The following GLI3 variants were observed in gnomAD, a reference collection of about 807,000 sequenced individuals.
GLI3 encodes transcription activator GLI3.
A neutral mutation model predicts 100.8 loss-of-function variants in GLI3; 20 were observed. The ratio of observed to expected loss-of-function variants is 0.20; its 90% CI spans 0.14 to 0.29. GLI3 has a LOEUF of 0.29. Among genes scored for constraint, GLI3 ranks in the 10% least tolerant of loss-of-function variants. The pLI is 1.00. For synonymous variants in GLI3, 938 were observed against 860.5 expected (o/e 1.09, Z -1.58); for missense variants, 2,040 against 2,128.5 (o/e 0.96, Z 0.82).
intron 3 of GLI3, among the ~76,000 whole-genome samples, chr7:42,132,653 A>G (rs1005103456): frequency 6.6e-6 from 1 of 152,230 alleles, no homozygotes; most frequent in East Asian, 1.9e-4. Flanking sequence ...ATTTTGGAAT[A>G]TTACTCTGAG....
chr7:42,069,921 C>T (rs1784752909), intron 4 of GLI3, among the ~76,000 whole-genome samples: 1 of 152,210 alleles, frequency 6.6e-6, no homozygotes, highest in Non-Finnish European at 1.5e-5. Flanking sequence ...CACAGAAGAC[C>T]TCTCTGAGAA....
intron 3 of GLI3, among the ~76,000 whole-genome samples, chr7:42,144,151 A>G (rs1211757693): frequency 6.6e-6 from 1 of 152,248 alleles, no homozygotes; most frequent in Non-Finnish European, 1.5e-5. Context: ...TATAGAAGAT[A>G]AATGCATGGC....
intron 1 of GLI3, among the ~76,000 whole-genome samples, chr7:42,232,361 T>A (rs10279985): frequency 3.3e-5 from 5 of 152,106 alleles, no homozygotes; most frequent in Non-Finnish European, 7.3e-5. Context: ...TCAAACCCAG[T>A]CAAGCGGAAA....
intron 6 of GLI3, among the ~76,000 whole-genome samples, chr7:42,040,871 T>C (rs1784121881): frequency 6.6e-6 from 1 of 152,122 alleles, no homozygotes; most frequent in Admixed American, 6.5e-5. Flanking sequence ...GACATTCTGG[T>C]TTTCGGGACT....
At chr7:42,115,518 C>T (rs1785831189) in intron 3 of GLI3, among the ~76,000 whole-genome samples, 1 of 152,204 alleles carries the variant, frequency 6.6e-6, no homozygotes, top group South Asian at 2.1e-4. Context: ...TTCATCTCTT[C>T]TTTTCTACCA....
chr7:42,197,076 C>T (rs73311707), intron 2 of GLI3, among the ~76,000 whole-genome samples: 2,350 of 152,244 alleles, frequency 0.015, 63 homozygotes, highest in African/African-American at 0.053. Context: ...CCTTCCTGGC[C>T]CCTGATACTT....
rs150915588 is a variant in GLI3, at chr7:42,259,444, G to A, written c.-43+4550C>T. On this transcript the variant is annotated intron_variant, in intron 1 of 2. Coordinates refer to the GLI3 transcript ENST00000678978. ...CTAGTTAAGCTCTAGCTCTAAGTCA[G>A]TTTCTTAATCTGTAAAACAAAAATG... is the stretch of plus-strand genomic sequence containing the variant. 2.6e-5 allele frequency among the ~76,000 whole-genome samples: 4 copies of A among 152,282 alleles called. No homozygotes were observed. The East Asian group carries it at 7.7e-4, about 29-fold the overall frequency.
intron 2 of GLI3, among the ~76,000 whole-genome samples, chr7:42,176,325 C>G (rs1419330194): frequency 6.6e-6 from 1 of 152,130 alleles, no homozygotes; most frequent in Non-Finnish European, 1.5e-5. Flanking sequence ...ACTTTCCCCA[C>G]AAGTCCTGAC....
chr7:41,999,175 A>C (rs1788217201), intron 10 of GLI3, among the ~76,000 whole-genome samples: 1 of 152,170 alleles, frequency 6.6e-6, no homozygotes, highest in Admixed American at 6.5e-5. Flanking sequence ...AGATGGCAAA[A>C]ACTACTAAGA....
Position 42,048,840 on chromosome 7 carries a change from A to T in GLI3, c.474-144T>A, listed in dbSNP as rs1286899820. 5 of 679,130 alleles carry T rather than the reference A, an allele frequency of 7.4e-6. No individual in the cohort carries two copies. The Admixed American group carries it at 9.2e-5, about 12-fold the overall frequency. The allele number at this position is 679,130 out of a possible 1,614,324, so 42.1% of individuals were successfully genotyped here. On this transcript the variant is annotated intron_variant, in intron 4 of 14. Coordinates refer to ENST00000395925, the MANE Select transcript of GLI3 (RefSeq NM_000168.6). ...AAAAAACTGCAGGCAAATACATATT[A>T]GTACTATTATTTTAAAATCAGCATG...
intron 3 of GLI3, among the ~76,000 whole-genome samples, chr7:42,114,348 A>G (rs1317639526): frequency 6.6e-6 from 1 of 152,148 alleles, no homozygotes; most frequent in Non-Finnish European, 1.5e-5. Context: ...GTTGTTGTAT[A>G]CTGTTAACGA....
intron 3 of GLI3, among the ~76,000 whole-genome samples, chr7:42,131,836 G>A (rs963226702): frequency 1.3e-5 from 2 of 152,140 alleles, no homozygotes; most frequent in Non-Finnish European, 2.9e-5. Flanking sequence ...AATATTGAAA[G>A]AAGAGGGCAG....
chr7:41,996,701 G>A (rs988289546), intron 10 of GLI3, among the ~76,000 whole-genome samples: 1 of 152,138 alleles, frequency 6.6e-6, no homozygotes, highest in Non-Finnish European at 1.5e-5. Context: ...TGACATAATT[G>A]TAATATGTAT....
At chr7:42,115,832 G>A (rs1416723370) in intron 3 of GLI3, among the ~76,000 whole-genome samples, 1 of 152,250 alleles carries the variant, frequency 6.6e-6, no homozygotes, top group South Asian at 2.1e-4. Context: ...TTGGCATAGA[G>A]ATTTTTATTT....
chr7:42,152,559 A>G (rs1583603055), intron 2 of GLI3: 1 of 256,392 alleles, frequency 3.9e-6, no homozygotes, highest in East Asian at 1.8e-4. Context: ...ATTCTTTCTG[A>G]GTGCTTCCGA....
intron 1 of GLI3, among the ~76,000 whole-genome samples, chr7:42,252,170 AG>A (rs1789039634): frequency 1.1e-5 from 1 of 90,824 alleles, no homozygotes; most frequent in African/African-American, 4.1e-5. Flanking sequence ...GCCATAAAAA[AG>A]AATGAGATCA....
At chr7:42,016,671 T>C (rs1213937316) in intron 10 of GLI3, among the ~76,000 whole-genome samples, 4 of 152,044 alleles carry the variant, frequency 2.6e-5, no homozygotes, top group African/African-American at 7.2e-5. Flanking sequence ...TCAAATCAGG[T>C]GCTAATTCTT....
At chr7:42,078,981 G>T (rs61114292) in intron 3 of GLI3, among the ~76,000 whole-genome samples, 60 of 152,038 alleles carry the variant, frequency 3.9e-4, no homozygotes, top group Middle Eastern at 3.4e-3. Flanking sequence ...TGCCCGCCTC[G>T]GCCTCCCAAA....
At chr7:42,093,651 A>T (rs1026808139) in intron 3 of GLI3, among the ~76,000 whole-genome samples, 2 of 152,174 alleles carry the variant, frequency 1.3e-5, no homozygotes, top group Admixed American at 6.5e-5. Flanking sequence ...AAATCATACA[A>T]GTCTCTATTA....
Sources: gnomAD v4.1 joint callset for allele counts (sites outside exome capture counted in the v4.1 genomes callset) on GRCh38, gnomAD v4.1.1 for gene constraint, MANE v1.5 for transcripts, NCBI Gene and HGNC (gene_info 2026-07-23, HGNC 2026-07-21) for gene names.